Variants in SENP1 observed in about 807,000 individuals in gnomAD.
The protein encoded by SENP1 is sentrin-specific protease 1.
SENP1 carries 21 observed loss-of-function variants against 93.0 expected under a neutral mutation model. The ratio of observed to expected loss-of-function variants is 0.23; its 90% CI spans 0.16 to 0.33. SENP1 has a LOEUF of 0.33. SENP1 is among the 10% of genes least tolerant of loss of function. The pLI is 1.00. For missense variants in SENP1, 591 were observed against 758.7 expected (o/e 0.78, Z 2.60); for synonymous variants, 256 against 259.6 (o/e 0.99, Z 0.13).
intron 4 of SENP1, among the ~76,000 whole-genome samples, chr12:48,095,535 CAAAAAAAAAAAA>C (rs3054235): frequency 1.2e-5 from 1 of 85,882 alleles, no homozygotes; most frequent in African/African-American, 4.9e-5. Context: ...GACTCTGTGT[CAAAAAAAAAAAA>C]AAAAAAAAAA....
chr12:48,055,167 C>T (rs1199679340), intron 13 of SENP1: 4 of 255,302 alleles, frequency 1.6e-5, no homozygotes, highest in African/African-American at 9.1e-5. Flanking sequence ...CACAGGTTGA[C>T]TTCTGAAGGT....
intron 13 of SENP1, 47 bp downstream of exon 13, chr12:48,063,663 G>T: frequency 6.4e-7 from 1 of 1,572,408 alleles, no homozygotes; most frequent in South Asian, 1.1e-5. Context: ...TAATTTAACT[G>T]CCACTTAATG....
At chr12:48,059,406 T>C (rs74086781) in intron 13 of SENP1, among the ~76,000 whole-genome samples, 3,843 of 152,276 alleles carry the variant, frequency 0.025, 166 homozygotes, top group African/African-American at 0.085. Context: ...TTATTTCAGA[T>C]ATATTTTTCA....
intron 8 of SENP1, among the ~76,000 whole-genome samples, chr12:48,073,921 GA>G (rs1325838308): frequency 1.3e-5 from 2 of 152,146 alleles, no homozygotes; most frequent in Non-Finnish European, 2.9e-5. Flanking sequence ...AAGAAAAAAA[GA>G]ATATCCTATT....
intron 5 of SENP1, among the ~76,000 whole-genome samples, chr12:48,088,379 T>C (rs745819578): frequency 3.9e-5 from 6 of 152,232 alleles, no homozygotes; most frequent in African/African-American, 1.4e-4. Flanking sequence ...TTCTAATATA[T>C]AGAAGTAGCT....
At chr12:48,049,247 T>C in intron 13 of SENP1, 115 bp from the exon 14 acceptor site, 1 of 746,370 alleles carries the variant, frequency 1.3e-6, no homozygotes. Context: ...CTGAATTAAG[T>C]CTTCAACATC....
At chr12:48,075,037 A>G (rs1432856138) in intron 6 of SENP1, among the ~76,000 whole-genome samples, 2 of 151,228 alleles carry the variant, frequency 1.3e-5, no homozygotes, top group Non-Finnish European at 2.9e-5. Context: ...TGAGACCCCA[A>G]CTCTACAAAA....
intron 9 of SENP1, among the ~76,000 whole-genome samples, chr12:48,067,807 T>C (rs1033390871): frequency 1.4e-4 from 21 of 151,190 alleles, no homozygotes; most frequent in African/African-American, 5.1e-4. Flanking sequence ...ATTCTGTCTC[T>C]TAAAAAAAAA....
Position 48,071,670 on chromosome 12 carries a change from G to A in SENP1, c.992C>T (p.Pro331Leu). 1.9e-6 allele frequency: 3 copies of A among 1,599,282 alleles called. No homozygotes were observed. The highest frequency in any genetic ancestry group is 2.6e-6 in the Non-Finnish European group (3 of 1,167,560). The stretch of plus-strand genomic sequence containing the variant: ...ACAAGCTTTTTCCAAAGTTTACCTG[G>A]GAGTTGGAGTCTGGGAATCTTTCAC... ...LKVKDSQTPT[P>L]SSTFFQAELW... The change falls in exon 9 of 18, where the codon CCC (proline) becomes CTC (leucine). Residue 331 changes from proline (P) to leucine (L), a missense_variant. Pro to Leu is a moderately conservative substitution (Grantham distance 98). Coordinates refer to ENST00000549518, the MANE Select transcript of SENP1 (RefSeq NM_001267594.2).
intron 6 of SENP1, 75 bp from the exon 7 acceptor site, chr12:48,074,868 C>T (rs1475400573): frequency 8.0e-6 from 8 of 998,818 alleles, no homozygotes; most frequent in East Asian, 2.6e-5. Context: ...AGCATGTAAA[C>T]AGAATCCTAG....
At chr12:48,073,830 C>G (rs1225962227) in intron 8 of SENP1, among the ~76,000 whole-genome samples, 1 of 152,122 alleles carries the variant, frequency 6.6e-6, no homozygotes, top group Non-Finnish European at 1.5e-5. Flanking sequence ...AGCAATTGGG[C>G]TGAGTATATA....
At chr12:48,063,561 C>T (rs1943095953) in intron 13 of SENP1, 149 bp downstream of exon 13, 3 of 671,324 alleles carry the variant, frequency 4.5e-6, no homozygotes, top group Admixed American at 3.3e-5. Flanking sequence ...ACCACACTCC[C>T]TCATAGTTAC....
chr12:48,070,684 T>A (rs1321517330), intron 9 of SENP1, among the ~76,000 whole-genome samples: 1 of 152,242 alleles, frequency 6.6e-6, no homozygotes, highest in Non-Finnish European at 1.5e-5. Context: ...CTTAATTCAA[T>A]GTCTGATAAA....
chr12:48,044,970 T>C lies in SENP1; in HGVS notation c.*352A>G, dbSNP rs542167537. On this transcript the variant is annotated 3_prime_UTR_variant, in exon 18 of 18. Transcript: ENST00000549518. ...TAAGGCCTAACAACAAGAATTTATA[T>C]GAAACCAAGATTCTTTCCAAGCTTT... 54 of 265,948 alleles carry C rather than the reference T, an allele frequency of 2.0e-4. 1 individual carries two copies. The highest frequency in any genetic ancestry group is 1.0e-3 in the Admixed American group (22 of 21,708). The allele number at this position is 265,948 out of a possible 1,614,324, so 16.5% of individuals were successfully genotyped here.
chr12:48,100,935 A>G (rs1945886919), intron 2 of SENP1, among the ~76,000 whole-genome samples: 1 of 152,250 alleles, frequency 6.6e-6, no homozygotes, highest in African/African-American at 2.4e-5. Context: ...AACTTTTTCA[A>G]TACAATCAAT....
chr12:48,096,208 A>T, intron 4 of SENP1, 135 bp downstream of exon 4: 1 of 562,262 alleles, frequency 1.8e-6, no homozygotes, highest in Non-Finnish European at 3.2e-6. Flanking sequence ...AAGCCATTCA[A>T]ATGATGTTTT....
intron 3 of SENP1, chr12:48,097,661 T>C (rs1372801089): frequency 1.7e-5 from 3 of 180,228 alleles, no homozygotes; most frequent in African/African-American, 7.1e-5. Flanking sequence ...AGCTGCTGTA[T>C]ATTTTCACAT....
intron 4 of SENP1, among the ~76,000 whole-genome samples, chr12:48,092,728 T>C (rs1469863138): frequency 6.6e-6 from 1 of 152,240 alleles, no homozygotes; most frequent in Non-Finnish European, 1.5e-5. Context: ...ATGAAGCTTT[T>C]AGTGTAAGAC....
At chr12:48,066,487 AC>A (rs1157966217) in intron 10 of SENP1, among the ~76,000 whole-genome samples, 3 of 152,084 alleles carry the variant, frequency 2.0e-5, no homozygotes, top group Non-Finnish European at 4.4e-5. Context: ...TGAAAACCCA[AC>A]AACTTAAAAG....
Sources: allele counts gnomAD v4.1 joint callset (sites outside exome capture counted in the v4.1 genomes callset), GRCh38; gene constraint gnomAD v4.1.1; transcripts MANE v1.5; gene names NCBI Gene and HGNC (gene_info 2026-07-23, HGNC 2026-07-21).